Variants in PTPRD observed in about 807,000 individuals in gnomAD.
The protein encoded by PTPRD is receptor-type tyrosine-protein phosphatase delta.
A neutral mutation model predicts 214.5 loss-of-function variants in PTPRD; 34 were observed. The observed-to-expected ratio is 0.16, with a 90% CI of 0.12 to 0.21. The LOEUF (loss-of-function observed/expected upper bound fraction) is 0.21. Ranked by LOEUF, PTPRD falls within the 10% of genes least tolerant of loss-of-function variation. The pLI, the probability that PTPRD is intolerant of heterozygous loss-of-function variation, is 1.00. For synonymous variants in PTPRD, 1,128 were observed against 845.7 expected (o/e 1.33, Z -5.79); for missense variants, 2,545 against 2,398.7 (o/e 1.06, Z -1.27).
intron 27 of PTPRD, among the ~76,000 whole-genome samples, chr9:8,491,899 C>G (rs2097158654): frequency 6.6e-6 from 1 of 152,122 alleles, no homozygotes; most frequent in Non-Finnish European, 1.5e-5. Flanking sequence ...GTGATTCGGG[C>G]AGAGTAAATC....
intron 7 of PTPRD, among the ~76,000 whole-genome samples, chr9:9,662,488 G>A (rs1720574296): frequency 6.6e-6 from 1 of 151,584 alleles, no homozygotes; most frequent in Admixed American, 6.6e-5. Flanking sequence ...CATCAGCAAG[G>A]ATATGAAAGC....
chr9:9,816,773 C>T (rs1427760809), intron 5 of PTPRD, among the ~76,000 whole-genome samples: 1 of 151,834 alleles, frequency 6.6e-6, no homozygotes. Flanking sequence ...AAGGTGCATT[C>T]CTTTAGTAAT....
At chr9:9,943,381 G>A (rs1351991509) in intron 4 of PTPRD, among the ~76,000 whole-genome samples, 1 of 152,062 alleles carries the variant, frequency 6.6e-6, no homozygotes, top group Non-Finnish European at 1.5e-5. Context: ...AGTATTCAAT[G>A]TATCACAACG....
In PTPRD at chr9:8,403,318, T is replaced by G. The variant is rs975137160; in HGVS notation, c.4210+1219A>C. Among the ~76,000 whole-genome samples, 5 of 152,338 alleles carry G rather than the reference T, an allele frequency of 3.3e-5. No homozygotes were observed. The East Asian group carries it at 9.7e-4, about 29-fold the overall frequency. ...TAACTGGGTCTGAAGCTACTATAAT[T>G]TATTTGTTTTCTAAAATATCTTCAA... On this transcript the variant is annotated intron_variant, in intron 36 of 45. Transcript: ENST00000381196.
At chr9:10,587,436 A>T (rs1475707267) in intron 2 of PTPRD, among the ~76,000 whole-genome samples, 1 of 152,136 alleles carries the variant, frequency 6.6e-6, no homozygotes, top group Non-Finnish European at 1.5e-5. Flanking sequence ...TTCAAACAGA[A>T]TCCATATCAT....
intron 14 of PTPRD, among the ~76,000 whole-genome samples, chr9:8,632,344 T>TA (rs1011337767): frequency 2.0e-4 from 30 of 151,514 alleles, no homozygotes; most frequent in East Asian, 3.9e-4. Flanking sequence ...TCCATGGGGG[T>TA]AAAAAAAATG....
intron 2 of PTPRD, among the ~76,000 whole-genome samples, chr9:10,428,360 G>A (rs192619836): frequency 6.6e-6 from 1 of 151,960 alleles, no homozygotes; most frequent in Non-Finnish European, 1.5e-5. Context: ...TAATGCCTCA[G>A]TAACATGGCT....
chr9:8,860,359 A>G (rs533651393), intron 11 of PTPRD: 29 of 152,372 alleles, frequency 1.9e-4, no homozygotes, highest in African/African-American at 6.5e-4. Context: ...TACAGAGGAC[A>G]GTACAAGTAA....
intron 9 of PTPRD, among the ~76,000 whole-genome samples, chr9:9,189,390 G>A (rs146397595): frequency 3.0e-4 from 46 of 151,986 alleles, no homozygotes; most frequent in African/African-American, 1.0e-3. Context: ...CTTTTAATCC[G>A]GAAGACTCTC....
chr9:8,560,490 T>A (rs770488986), intron 14 of PTPRD, among the ~76,000 whole-genome samples: 1 of 149,890 alleles, frequency 6.7e-6, no homozygotes, highest in African/African-American at 2.5e-5. Flanking sequence ...CACTGTTTCA[T>A]TGTCAAGGCT....
rs1491379045 is a variant in PTPRD at position 8,929,779 on chromosome 9, G to GTATATATA, written c.-104+88917_-104+88918insTATATATA. Among the ~76,000 whole-genome samples the GTATATATA allele has an allele frequency of 3.8e-4, 21 of 55,766 alleles. 2 individuals are homozygous for GTATATATA. The highest frequency in any genetic ancestry group is 1.5e-3 in the African/African-American group (18 of 12,238). 36.6% of individuals were successfully genotyped at this position (55,766 alleles called of 152,430 possible). Reference sequence around the variant, plus strand: ...TATGTATATATATGTGTATATATATGGGTGTGTATATATGTGTGTGTATAT... The same window carrying GTATATATA: ...TATGTATATATATGTGTATATATATGTATATATAGGTGTGTATATATGTGTGTGTATAT... On this transcript the variant is annotated intron_variant, in intron 11 of 45. Coordinates refer to ENST00000381196, the MANE Select transcript of PTPRD (RefSeq NM_002839.4).
chr9:10,568,160 C>T (rs1456725071), intron 2 of PTPRD, among the ~76,000 whole-genome samples: 12 of 143,636 alleles, frequency 8.4e-5, no homozygotes, highest in Non-Finnish European at 4.5e-5. Flanking sequence ...TGTTCCCCTT[C>T]CTGTGTCCAT....
rs557030524 is a variant in PTPRD at position 8,457,661 on chromosome 9, G to A, written c.3875+2750C>T. ...AACTATCTGTAGCTACAGACCTATT[G>A]CTAATGCTAGCATCTTAGAAGCAGA... On this transcript the variant is annotated intron_variant, in intron 33 of 45. Coordinates refer to ENST00000381196, the MANE Select transcript of PTPRD (RefSeq NM_002839.4). Among the ~76,000 whole-genome samples the A allele has an allele frequency of 2.6e-5, 4 of 152,128 alleles. No homozygotes were observed. In the South Asian group the frequency reaches 8.3e-4, roughly 32 times the overall value.
intron 11 of PTPRD, among the ~76,000 whole-genome samples, chr9:8,915,112 C>T (rs1435560621): frequency 2.6e-5 from 4 of 152,064 alleles, no homozygotes; most frequent in African/African-American, 7.2e-5. Flanking sequence ...CATATATACA[C>T]AAAACTATCC....
chr9:9,508,636 T>C (rs1265687267), intron 8 of PTPRD, among the ~76,000 whole-genome samples: 1 of 151,670 alleles, frequency 6.6e-6, no homozygotes, highest in Non-Finnish European at 1.5e-5. Flanking sequence ...TTAAGTTTGC[T>C]TCTTTCTCCA....
intron 5 of PTPRD, among the ~76,000 whole-genome samples, chr9:9,917,452 T>TAAAAA (rs112904497): frequency 1.1e-4 from 14 of 127,626 alleles, no homozygotes; most frequent in African/African-American, 3.4e-4. Flanking sequence ...GAAAATTTCC[T>TAAAAA]AAAAAAAAAA....
rs566253557 is a variant in PTPRD, at chr9:9,295,786, G to C, written c.-203+101663C>G. 2.6e-5 allele frequency among the ~76,000 whole-genome samples: 4 copies of C among 151,864 alleles called. No individual in the cohort carries two copies. In the South Asian group the frequency reaches 8.3e-4, roughly 31 times the overall value. ...ACCAGGGTGGGGAACACGGAAGCTT[G>C]TCTGTGACTCTGGTGCATCCTAGAA... On this transcript the variant is annotated intron_variant, in intron 9 of 45. Coordinates refer to ENST00000381196, the MANE Select transcript of PTPRD (RefSeq NM_002839.4).
chr9:10,240,536 T>G (rs1024179415), intron 3 of PTPRD, among the ~76,000 whole-genome samples: 2 of 151,956 alleles, frequency 1.3e-5, no homozygotes, highest in African/African-American at 4.8e-5. Context: ...TTCTTTATCT[T>G]ACAGGAAAAG....
At chr9:9,047,373 T>C (rs1286283268) in intron 10 of PTPRD, among the ~76,000 whole-genome samples, 1 of 152,112 alleles carries the variant, frequency 6.6e-6, no homozygotes, top group Non-Finnish European at 1.5e-5. Context: ...AAAATACCAA[T>C]GACATTTTTT....
Sources: gnomAD v4.1 joint callset for allele counts (sites outside exome capture counted in the v4.1 genomes callset) on GRCh38, gnomAD v4.1.1 for gene constraint, MANE v1.5 for transcripts, NCBI Gene and HGNC (gene_info 2026-07-23, HGNC 2026-07-21) for gene names.